Variants in RIF1 observed in about 807,000 individuals in gnomAD.
RIF1 encodes telomere-associated protein RIF1.
In RIF1, 45 loss-of-function variants were observed where a neutral mutation model predicts 247.1. The ratio of observed to expected loss-of-function variants is 0.18; its 90% CI spans 0.14 to 0.23. The LOEUF (loss-of-function observed/expected upper bound fraction) is 0.23. Ranked by LOEUF, RIF1 falls within the 10% of genes least tolerant of loss-of-function variation. The probability of loss-of-function intolerance (pLI) is 1.00; values close to 1 mark genes in which losing one functional copy is unlikely to be tolerated. For missense variants in RIF1, 2,967 were observed against 2,862.5 expected (o/e 1.04, Z -0.83); for synonymous variants, 1,087 against 978.8 (o/e 1.11, Z -2.06).
intron 9 of RIF1, chr2:151,492,102 AAT>A: frequency 6.2e-7 from 1 of 1,613,844 alleles, no homozygotes; most frequent in Non-Finnish European, 8.5e-7. Flanking sequence ...AGTTACCTGT[AAT>A]AGTCTCCTGA....
At chr2:151,468,171 CAT>C in intron 31 of RIF1, 25 bp downstream of exon 31, 1 of 1,569,780 alleles carries the variant, frequency 6.4e-7, no homozygotes, top group South Asian at 1.2e-5. Flanking sequence ...TTAAAATATA[CAT>C]ATATGTATAC....
chr2:151,520,694 T>C, the RIF1 span, among the ~76,000 whole-genome samples: 1 of 151,986 alleles, frequency 6.6e-6, no homozygotes, highest in Non-Finnish European at 1.5e-5. Flanking sequence ...TGAAACCCCA[T>C]CTCCACTAAA....
chr2:151,410,861 C>G lies in RIF1; in HGVS notation c.104+334C>G, dbSNP rs569458883. 3.0e-4 allele frequency among the ~76,000 whole-genome samples: 27 copies of G among 89,818 alleles called. No individual in the cohort carries two copies. The East Asian group carries it at 7.1e-3, about 24-fold the overall frequency. 58.9% of individuals were successfully genotyped at this position (89,818 alleles called of 152,430 possible). ...CGATGTGTTGGGAAAATGTGGCTACCCAGAGTTTTTTTAACAGAGCAATAC... is the reference window on the plus strand; with the variant it reads ...CGATGTGTTGGGAAAATGTGGCTACGCAGAGTTTTTTTAACAGAGCAATAC... On this transcript the variant is annotated intron_variant, in intron 2 of 35. Transcript: ENST00000444746.
At chr2:151,469,013 T>C (rs1238470647) in intron 33 of RIF1, among the ~76,000 whole-genome samples, 1 of 152,190 alleles carries the variant, frequency 6.6e-6, no homozygotes, top group Admixed American at 6.5e-5. Context: ...AATCCAAATA[T>C]AAACCTTATG....
intron 9 of RIF1, among the ~76,000 whole-genome samples, chr2:151,429,213 C>T (rs554903084): frequency 1.3e-5 from 2 of 152,194 alleles, no homozygotes; most frequent in African/African-American, 4.8e-5. Flanking sequence ...GAGACAGGGT[C>T]GCTCTTGCCC....
At position 151,469,002 on chromosome 2, in the gene RIF1, T is replaced by C. The variant is rs955292004; in HGVS notation, c.6941+246T>C. Among the ~76,000 whole-genome samples the C allele has an allele frequency of 3.5e-4, 54 of 152,198 alleles. 1 individual carries two copies. Among genetic ancestry groups the C allele is most frequent in the Non-Finnish European group, 7.4e-5 (5 of 68,018 alleles). On this transcript the variant is annotated intron_variant, in intron 33 of 35. Transcript: ENST00000444746. ...TGAACCCTTATATCATTATCTTGTT[T>C]AATCCAAATATAAACCTTATGAGGA...
At chr2:151,485,565 T>C, downstream of RIF1, 1 of 438,898 alleles carries the variant, frequency 2.3e-6, no homozygotes, top group Admixed American at 3.9e-5. Context: ...GAAATAATAT[T>C]GCAGAAGCTT....
intron 20 of RIF1, among the ~76,000 whole-genome samples, chr2:151,451,114 A>T (rs947488212): frequency 6.6e-6 from 1 of 152,226 alleles, no homozygotes; most frequent in Non-Finnish European, 1.5e-5. Context: ...ATTTGTAATC[A>T]TGTATGGTCA....
intron 9 of RIF1, chr2:151,494,370 T>C: frequency 2.9e-6 from 2 of 699,122 alleles, no homozygotes; most frequent in Non-Finnish European, 5.0e-6. Context: ...ATTTGGGCAA[T>C]TAGGTTAGAT....
intron 30 of RIF1, among the ~76,000 whole-genome samples, chr2:151,467,132 G>C (rs150980267): frequency 0.025 from 3,834 of 152,116 alleles, 61 homozygotes; most frequent in African/African-American, 0.041. Context: ...AGGAGGCTGA[G>C]GCAGGAGAAT....
At position 151,446,358 on chromosome 2, in the gene RIF1, A is replaced by T. The variant is rs982063401; in HGVS notation, c.2095-68A>T. On this transcript the variant is annotated intron_variant, in intron 19 of 35. Coordinates refer to ENST00000444746, the MANE Select transcript of RIF1 (RefSeq NM_018151.5). ...TGTTTTTAAAAAATGTTAAAGATGT[A>T]TTGATTCTATAAACTTTGATAGATA... 42 of 1,358,686 alleles carry T rather than the reference A, an allele frequency of 3.1e-5. No individual in the cohort carries two copies. In the African/African-American group the frequency reaches 5.2e-4, roughly 17 times the overall value. 84.2% of individuals were successfully genotyped at this position (1,358,686 alleles called of 1,614,324 possible). A position where few individuals can be genotyped will look rare whatever the true frequency, so the allele number is the denominator to read the frequency against.
chr2:151,494,388 A>T lies in RIF1; in HGVS notation c.*416-841A>T, dbSNP rs543655045. The T allele has an allele frequency of 4.9e-4, 311 of 637,334 alleles. 1 individual carries two copies. In the African/African-American group the frequency reaches 5.9e-3, roughly 12 times the overall value. 39.5% of individuals were successfully genotyped at this position (637,334 alleles called of 1,614,324 possible). On this transcript the variant is annotated intron_variant and NMD_transcript_variant, in intron 9 of 13. Transcript: ENST00000454583. ...TGGGCAATTAGGTTAGATGGAAAGT[A>T]GTATGTTTCCTAAGGAAGTTAAGTG...
chr2:151,471,077 C>T (rs1697732985), intron 34 of RIF1, among the ~76,000 whole-genome samples: 1 of 152,094 alleles, frequency 6.6e-6, no homozygotes, highest in Non-Finnish European at 1.5e-5. Flanking sequence ...TATCACTCCT[C>T]ATTTCCACTG....
chr2:151,432,820 C>T (rs1019035771), intron 9 of RIF1, among the ~76,000 whole-genome samples: 16 of 152,156 alleles, frequency 1.1e-4, no homozygotes, highest in Non-Finnish European at 1.8e-4. Flanking sequence ...GAAATTGCCC[C>T]GGCACACAAT....
rs199600446 is a variant in RIF1 at position 151,433,234 on chromosome 2, A to T, written c.1077+6A>T. The T allele has an allele frequency of 3.9e-5, 63 of 1,607,138 alleles. No homozygotes were observed. The highest frequency in any genetic ancestry group is 1.3e-5 in the Non-Finnish European group (15 of 1,174,662). Reference sequence around the variant, plus strand: ...TTCCTGCTAATTTTGAACAGGTAACATTACAAGTGTTGACTATAGCACTTT... The same window carrying T: ...TTCCTGCTAATTTTGAACAGGTAACTTTACAAGTGTTGACTATAGCACTTT... On this transcript the variant is annotated splice_donor_region_variant and intron_variant, in intron 10 of 35. Coordinates refer to ENST00000444746, the MANE Select transcript of RIF1 (RefSeq NM_018151.5).
the RIF1 span, chr2:151,526,338 G>T: frequency 1.0e-6 from 1 of 984,888 alleles, no homozygotes; most frequent in Non-Finnish European, 1.6e-6. Context: ...CCTCAAACCA[G>T]TAGAACAGCA....
At chr2:151,526,321 A>T in the RIF1 span, 1 of 1,146,670 alleles carries the variant, frequency 8.7e-7, no homozygotes, top group Non-Finnish European at 1.3e-6. Flanking sequence ...ACATATTTTT[A>T]TTACACCCTC....
rs1289663140 is a variant in RIF1 at position 151,481,586 on chromosome 2, T to G, written c.*6515T>G. 6.6e-6 allele frequency: 1 copy of G among 152,226 alleles called. No individual in the cohort carries two copies. The highest frequency in any genetic ancestry group is 1.9e-4 in the East Asian group (1 of 5,194). 9.4% of individuals were successfully genotyped at this position (152,226 alleles called of 1,614,324 possible). A position where few individuals can be genotyped will look rare whatever the true frequency, so the allele number is the denominator to read the frequency against. The stretch of plus-strand genomic sequence containing the variant: ...TTTGGTAAACGCTAAGAGAGCTTAG[T>G]TTTACATTCACAAAGTATTTGTATT... On this transcript the variant is annotated 3_prime_UTR_variant, in exon 36 of 36. Coordinates refer to ENST00000444746, the MANE Select transcript of RIF1 (RefSeq NM_018151.5).
intron 8 of RIF1, among the ~76,000 whole-genome samples, chr2:151,426,036 A>C (rs1011806617): frequency 1.3e-5 from 2 of 151,610 alleles, no homozygotes; most frequent in Non-Finnish European, 2.9e-5. Context: ...ATCCAAGCTC[A>C]GTATTCTATT....
Sources: allele counts gnomAD v4.1 joint callset (sites outside exome capture counted in the v4.1 genomes callset), GRCh38; gene constraint gnomAD v4.1.1; transcripts MANE v1.5; gene names NCBI Gene and HGNC (gene_info 2026-07-23, HGNC 2026-07-21).